TASP1: variants seen among roughly 807,000 people sequenced by gnomAD.
TASP1 encodes threonine aspartase 1.
Under a neutral mutation model 56.6 loss-of-function variants are expected in TASP1, and 16 were observed. The observed-to-expected ratio is 0.28, with a 90% CI of 0.19 to 0.43. The LOEUF (loss-of-function observed/expected upper bound fraction) is 0.43, where lower values mean the gene tolerates loss of function less well. Ranked by LOEUF, TASP1 falls within the 20% of genes least tolerant of loss-of-function variation. The pLI, the probability that TASP1 is intolerant of heterozygous loss-of-function variation, is 1.00. For missense variants in TASP1, 393 were observed against 511.6 expected (o/e 0.77, Z 2.24); for synonymous variants, 179 against 184.2 (o/e 0.97, Z 0.23).
intron 10 of TASP1, among the ~76,000 whole-genome samples, chr20:13,508,526 C>T (rs963470184): frequency 3.3e-5 from 5 of 152,194 alleles, no homozygotes; most frequent in African/African-American, 1.2e-4. Flanking sequence ...ATCTGAAAAA[C>T]TCCGAAATTC....
chr20:13,198,911 CTTT>C, the TASP1 span, among the ~76,000 whole-genome samples: 1 of 139,816 alleles, frequency 7.2e-6, no homozygotes, highest in African/African-American at 2.7e-5. Flanking sequence ...TCCTTCCTTC[CTTT>C]TTTTATTTTG....
At chr20:13,598,101 T>C (rs2047813337) in intron 4 of TASP1, among the ~76,000 whole-genome samples, 1 of 152,168 alleles carries the variant, frequency 6.6e-6, no homozygotes, top group East Asian at 1.9e-4. Context: ...AAAATGGCCA[T>C]AGTGCCCAAG....
At chr20:13,574,347 C>A (rs928596587) in intron 6 of TASP1, among the ~76,000 whole-genome samples, 1 of 152,180 alleles carries the variant, frequency 6.6e-6, no homozygotes, top group African/African-American at 2.4e-5. Context: ...AACTTAGCCA[C>A]ATCCTAGAAT....
chr20:13,113,967 G>A, the TASP1 span, among the ~76,000 whole-genome samples: 1 of 152,174 alleles, frequency 6.6e-6, no homozygotes, highest in Non-Finnish European at 1.5e-5. Context: ...TGAAGTTATT[G>A]TGAATATGAA....
intron 6 of TASP1, among the ~76,000 whole-genome samples, chr20:13,578,332 G>T (rs963366206): frequency 1.3e-5 from 2 of 151,218 alleles, no homozygotes; most frequent in Admixed American, 6.6e-5. Context: ...TTAAAATTTG[G>T]GTTGTCTTTT....
At chr20:13,517,624 A>G (rs1237315392) in intron 10 of TASP1, among the ~76,000 whole-genome samples, 1 of 152,118 alleles carries the variant, frequency 6.6e-6, no homozygotes, top group Non-Finnish European at 1.5e-5. Context: ...AAATCTACTC[A>G]TTTAAAATCT....
the TASP1 span, among the ~76,000 whole-genome samples, chr20:13,262,465 CTTTTTT>C: frequency 3.4e-5 from 5 of 145,160 alleles, no homozygotes; most frequent in African/African-American, 1.3e-4. Flanking sequence ...TTTTCTTTTT[CTTTTTT>C]TTTTTGGCCT....
chr20:13,198,790 T>TTGTC, the TASP1 span, among the ~76,000 whole-genome samples: 7 of 149,074 alleles, frequency 4.7e-5, no homozygotes, highest in South Asian at 8.8e-4. Context: ...CTTTCTTTCT[T>TTGTC]TGTCTTTCTT....
intron 13 of TASP1, among the ~76,000 whole-genome samples, chr20:13,406,622 A>G (rs900097787): frequency 6.6e-6 from 1 of 150,858 alleles, no homozygotes; most frequent in African/African-American, 2.4e-5. Context: ...GCCCTTAATC[A>G]CATTGAGGAA....
the TASP1 span, among the ~76,000 whole-genome samples, chr20:13,292,967 C>T: frequency 2.6e-5 from 4 of 152,006 alleles, no homozygotes; most frequent in Non-Finnish European, 5.9e-5. Context: ...GAGGCTGAGG[C>T]GGGCAGATCA....
chr20:13,482,114 T>C (rs1445617904), intron 11 of TASP1, among the ~76,000 whole-genome samples: 1 of 152,022 alleles, frequency 6.6e-6, no homozygotes, highest in African/African-American at 2.4e-5. Context: ...GAGACAGGAG[T>C]CTAGTTTCAT....
intron 4 of TASP1, among the ~76,000 whole-genome samples, chr20:13,607,261 G>A (rs1008203478): frequency 3.3e-5 from 5 of 152,146 alleles, no homozygotes; most frequent in African/African-American, 1.2e-4. Flanking sequence ...CAAGTCAGGA[G>A]CTACTCTCCC....
At chr20:13,124,754 G>T in the TASP1 span, among the ~76,000 whole-genome samples, 1 of 152,290 alleles carries the variant, frequency 6.6e-6, no homozygotes. Flanking sequence ...GAAAATGCTT[G>T]TGAGCAACAA....
At chr20:13,139,720 A>C in the TASP1 span, among the ~76,000 whole-genome samples, 20 of 152,364 alleles carry the variant, frequency 1.3e-4, no homozygotes, top group African/African-American at 4.8e-4. Flanking sequence ...AGTAAGAACC[A>C]GACTTTGCCA....
chr20:13,633,119 T>G (rs2049159256), intron 1 of TASP1, among the ~76,000 whole-genome samples: 1 of 152,078 alleles, frequency 6.6e-6, no homozygotes, highest in East Asian at 1.9e-4. Context: ...AATGTCTTGA[T>G]GGAAGTGGTT....
chr20:13,495,356 T>C (rs1231098485), intron 10 of TASP1, among the ~76,000 whole-genome samples: 3 of 152,128 alleles, frequency 2.0e-5, no homozygotes, highest in African/African-American at 7.2e-5. Context: ...CCAAATAAAG[T>C]ACCATAGAAA....
At chr20:13,292,306 A>T in the TASP1 span, 2 of 933,758 alleles carry the variant, frequency 2.1e-6, no homozygotes, top group Admixed American at 4.8e-5. Context: ...TTATTTTTTT[A>T]TTGTTGGGGT....
Position 13,538,002 on chromosome 20 carries a change from C to CTTT in TASP1, c.676-3864_676-3862dup, listed in dbSNP as rs202194017. ...CTGCCAAGAGACACCATCTATCAGT[C>CTTT]TTTTTTTTTTTTTTTTTGAGACAGA... On this transcript the variant is annotated intron_variant, in intron 8 of 13. Coordinates refer to ENST00000337743, the MANE Select transcript of TASP1 (RefSeq NM_017714.3). 2.9e-3 allele frequency among the ~76,000 whole-genome samples: 401 copies of CTTT among 139,594 alleles called. 3 individuals are homozygous for CTTT. Among genetic ancestry groups the CTTT allele is most frequent in the East Asian group, 0.011 (52 of 4,804 alleles). 91.6% of individuals were successfully genotyped at this position (139,594 alleles called of 152,430 possible). A position where few individuals can be genotyped will look rare whatever the true frequency, so the allele number is the denominator to read the frequency against.
chr20:13,317,134 C>T, the TASP1 span, among the ~76,000 whole-genome samples: 1 of 151,654 alleles, frequency 6.6e-6, no homozygotes, highest in Non-Finnish European at 1.5e-5. Context: ...TTGCTGTATA[C>T]CAACAATGAA....
Sources: allele counts gnomAD v4.1 joint callset (sites outside exome capture counted in the v4.1 genomes callset), GRCh38; gene constraint gnomAD v4.1.1; transcripts MANE v1.5; gene names NCBI Gene and HGNC (gene_info 2026-07-23, HGNC 2026-07-21).